CAPZB: variants seen among roughly 807,000 people sequenced by gnomAD.
CAPZB encodes the protein F-actin-capping protein subunit beta.
A neutral mutation model predicts 38.1 loss-of-function variants in CAPZB; 2 were observed. The observed-to-expected ratio is 0.05, with a 90% CI of 0.02 to 0.17. The LOEUF (loss-of-function observed/expected upper bound fraction) is 0.17, where lower values mean the gene tolerates loss of function less well. CAPZB is among the 10% of genes least tolerant of loss of function. The probability of loss-of-function intolerance (pLI) is 1.00; values close to 1 mark genes in which losing one functional copy is unlikely to be tolerated. For synonymous variants in CAPZB, 107 were observed against 127.4 expected (o/e 0.84, Z 1.08); for missense variants, 161 against 334.2 (o/e 0.48, Z 4.04).
chr1:19,340,811 T>A (rs1345145688), intron 8 of CAPZB, among the ~76,000 whole-genome samples: 1 of 152,172 alleles, frequency 6.6e-6, no homozygotes, highest in African/African-American at 2.4e-5. Context: ...AACATATTGG[T>A]TAGGCAAAGA....
At chr1:19,454,934 GA>G (rs1444733999) in intron 1 of CAPZB, among the ~76,000 whole-genome samples, 1 of 152,360 alleles carries the variant, frequency 6.6e-6, no homozygotes, top group East Asian at 1.9e-4. Flanking sequence ...ATAAAGGAAA[GA>G]TAAACTCTTG....
At chr1:19,390,747 G>T (rs2094229461) in intron 2 of CAPZB, among the ~76,000 whole-genome samples, 1 of 152,206 alleles carries the variant, frequency 6.6e-6, no homozygotes, top group Non-Finnish European at 1.5e-5. Context: ...AAGGTAGAAG[G>T]TAAGGGAGAG....
intron 4 of CAPZB, among the ~76,000 whole-genome samples, chr1:19,359,410 G>A (rs1033529288): frequency 7.2e-5 from 11 of 152,064 alleles, no homozygotes; most frequent in African/African-American, 1.7e-4. Context: ...GCAGACCTGC[G>A]GAGCATCCAG....
At chr1:19,340,895 C>G (rs1231423021) in intron 8 of CAPZB, among the ~76,000 whole-genome samples, 1 of 151,990 alleles carries the variant, frequency 6.6e-6, no homozygotes, top group East Asian at 1.9e-4. Context: ...AAGAAGAGTG[C>G]TACGGAGAGT....
intron 1 of CAPZB, among the ~76,000 whole-genome samples, chr1:19,454,313 C>T (rs921867943): frequency 5.9e-5 from 9 of 152,166 alleles, no homozygotes; most frequent in Non-Finnish European, 1.0e-4. Flanking sequence ...ATGCTGGCCA[C>T]GTAAGATGTA....
At chr1:19,382,510 A>C (rs191474129) in intron 3 of CAPZB, among the ~76,000 whole-genome samples, 2 of 152,330 alleles carry the variant, frequency 1.3e-5, no homozygotes, top group East Asian at 1.9e-4. Flanking sequence ...GTCAGGATGG[A>C]AATCTGTGGA....
At chr1:19,400,077 T>C (rs2094294678) in intron 2 of CAPZB, among the ~76,000 whole-genome samples, 1 of 152,158 alleles carries the variant, frequency 6.6e-6, no homozygotes, top group South Asian at 2.1e-4. Flanking sequence ...TCTTAGGGAA[T>C]TTCTATATTT....
intron 4 of CAPZB, among the ~76,000 whole-genome samples, chr1:19,365,966 G>C (rs1558189384): frequency 6.6e-6 from 1 of 152,110 alleles, no homozygotes; most frequent in African/African-American, 2.4e-5. Context: ...TTGAAGTGTT[G>C]ATGTAACTGA....
At chr1:19,379,606 A>G (rs1201487181) in intron 3 of CAPZB, among the ~76,000 whole-genome samples, 1 of 152,252 alleles carries the variant, frequency 6.6e-6, no homozygotes, top group East Asian at 1.9e-4. Flanking sequence ...TGAACACAGG[A>G]TAGCTTTTCC....
chr1:19,412,375 C>T (rs148131491), intron 2 of CAPZB, among the ~76,000 whole-genome samples: 1 of 152,142 alleles, frequency 6.6e-6, no homozygotes, highest in Admixed American at 6.5e-5. Context: ...ACGGGGAACT[C>T]TGGTGGAAAA....
chr1:19,396,529 G>T (rs2100313428), intron 2 of CAPZB, among the ~76,000 whole-genome samples: 1 of 152,286 alleles, frequency 6.6e-6, no homozygotes, highest in East Asian at 1.9e-4. Flanking sequence ...CCCTACACAG[G>T]CTCCTCCTAA....
At chr1:19,353,383 G>A (rs1179725684) in intron 6 of CAPZB, among the ~76,000 whole-genome samples, 2 of 152,048 alleles carry the variant, frequency 1.3e-5, no homozygotes, top group Admixed American at 6.5e-5. Flanking sequence ...CTCGAGTGAG[G>A]GGCTCTCATC....
chr1:19,355,945 G>A (rs1389933782), intron 6 of CAPZB, among the ~76,000 whole-genome samples: 2 of 152,204 alleles, frequency 1.3e-5, no homozygotes, highest in African/African-American at 4.8e-5. Flanking sequence ...GGGCAAGTTT[G>A]CTCAGGGGAG....
rs2094028986 is a variant in CAPZB at position 19,357,653 on chromosome 1, A to T, written c.330-90T>A. The T allele has an allele frequency of 5.3e-6, 7 of 1,318,968 alleles. No homozygotes were observed. The highest frequency in any genetic ancestry group is 7.5e-6 in the Non-Finnish European group (7 of 932,532). 81.7% of individuals were successfully genotyped at this position (1,318,968 alleles called of 1,614,324 possible). On this transcript the variant is annotated intron_variant, in intron 4 of 8. Coordinates refer to ENST00000264202, the MANE Select transcript of CAPZB (RefSeq NM_004930.5). The surrounding 1 kb of genome is among the most constrained non-coding windows in gnomAD (Gnocchi z 4.3). ...GCTGCTGCTCAGCAAAGATTCTGGG[A>T]TTCAGGGCCCTCCCTGCGACAGTTA...
chr1:19,479,492 T>A (rs543888748), intron 1 of CAPZB, among the ~76,000 whole-genome samples: 1 of 152,176 alleles, frequency 6.6e-6, no homozygotes, highest in African/African-American at 2.4e-5. Context: ...TGTGTGTCAA[T>A]GATAAACTGT....
chr1:19,371,963 G>A (rs1314672680), intron 4 of CAPZB, among the ~76,000 whole-genome samples: 1 of 152,254 alleles, frequency 6.6e-6, no homozygotes, highest in African/African-American at 2.4e-5. Flanking sequence ...AGGTGCTGGG[G>A]AGCCCAGGCC....
chr1:19,339,661 G>C (rs746113840), intron 8 of CAPZB, 44 bp from the exon 9 acceptor site: 2 of 1,454,358 alleles, frequency 1.4e-6, no homozygotes, highest in Non-Finnish European at 1.9e-6. Flanking sequence ...AACAGGGACT[G>C]GTGAGGCGGT....
chr1:19,347,284 GCTCA>G (rs1349907986), intron 6 of CAPZB, among the ~76,000 whole-genome samples: 1 of 152,156 alleles, frequency 6.6e-6, no homozygotes, highest in African/African-American at 2.4e-5. Context: ...AGCCAGCCAG[GCTCA>G]CTGTGAACAA....
At chr1:19,406,087 C>T (rs998946689) in intron 2 of CAPZB, among the ~76,000 whole-genome samples, 7 of 152,244 alleles carry the variant, frequency 4.6e-5, no homozygotes, top group East Asian at 1.9e-4. Flanking sequence ...ATTGTGAGCT[C>T]GACAGGCCCA....
Sources: gnomAD v4.1 joint callset for allele counts (sites outside exome capture counted in the v4.1 genomes callset) on GRCh38, gnomAD v4.1.1 for gene constraint, Gnocchi (gnomAD v3.1) non-coding constraint, MANE v1.5 for transcripts, NCBI Gene and HGNC (gene_info 2026-07-23, HGNC 2026-07-21) for gene names.